SYT16: variants seen among roughly 807,000 people sequenced by gnomAD.
SYT16 encodes the protein synaptotagmin 16.
A neutral mutation model predicts 61.4 loss-of-function variants in SYT16; 42 were observed. That is an observed-to-expected ratio of 0.68 (90% CI 0.53 to 0.89). The LOEUF is 0.89. Among genes scored for constraint, SYT16 ranks in the 40% least tolerant of loss-of-function variants. The pLI, the probability that SYT16 is intolerant of heterozygous loss-of-function variation, is 0.00. For synonymous variants in SYT16, 314 were observed against 302.3 expected (o/e 1.04, Z -0.40); for missense variants, 804 against 807.3 (o/e 1.00, Z 0.05).
chr14:61,940,289 GT>G (rs1357243667), intron 1 of SYT16, among the ~76,000 whole-genome samples: 1 of 151,374 alleles, frequency 6.6e-6, no homozygotes, highest in Non-Finnish European at 1.5e-5. Context: ...ATGCTTAAAG[GT>G]CCTCATGTTA....
At chr14:62,013,415 G>A (rs1467312891) in intron 3 of SYT16, among the ~76,000 whole-genome samples, 2 of 152,154 alleles carry the variant, frequency 1.3e-5, no homozygotes, top group Non-Finnish European at 2.9e-5. Flanking sequence ...TGGGCATTAT[G>A]GTTTCTGAGA....
intron 1 of SYT16, among the ~76,000 whole-genome samples, chr14:61,829,520 A>G (rs756809188): frequency 2.6e-5 from 4 of 152,054 alleles, no homozygotes; most frequent in African/African-American, 4.8e-5. Flanking sequence ...CTCTGATCCT[A>G]CTGAGATTCT....
chr14:62,071,164 C>T (rs535818741), intron 4 of SYT16, among the ~76,000 whole-genome samples: 1 of 152,332 alleles, frequency 6.6e-6, no homozygotes, highest in South Asian at 2.1e-4. Context: ...GTCATTTGCC[C>T]ACACCCCCTC....
At chr14:61,880,942 A>G (rs1223173382) in intron 1 of SYT16, among the ~76,000 whole-genome samples, 1 of 152,116 alleles carries the variant, frequency 6.6e-6, no homozygotes, top group African/African-American at 2.4e-5. Flanking sequence ...CATGTAGCAT[A>G]CATACAGGAA....
chr14:61,831,782 A>G (rs1027132660), intron 1 of SYT16: 1 of 218,182 alleles, frequency 4.6e-6, no homozygotes, highest in African/African-American at 2.3e-5. Context: ...ACTGTTTGGC[A>G]TAACAGGTTT....
chr14:62,035,515 A>G (rs2054472555), intron 3 of SYT16, among the ~76,000 whole-genome samples: 1 of 152,194 alleles, frequency 6.6e-6, no homozygotes, highest in Non-Finnish European at 1.5e-5. Context: ...CATCAAAGAG[A>G]CATATATCAA....
chr14:62,011,607 G>A (rs967387650), intron 3 of SYT16, among the ~76,000 whole-genome samples: 3 of 152,022 alleles, frequency 2.0e-5, no homozygotes, highest in Non-Finnish European at 4.4e-5. Context: ...GTGGAGGAAA[G>A]GTGATTTACT....
At chr14:61,927,829 A>G (rs1025285544) in intron 1 of SYT16, among the ~76,000 whole-genome samples, 7 of 152,190 alleles carry the variant, frequency 4.6e-5, no homozygotes, top group Admixed American at 3.9e-4. Flanking sequence ...GAGTTAGAAA[A>G]AAGTTAATAA....
intron 1 of SYT16, among the ~76,000 whole-genome samples, chr14:61,833,874 G>A (rs2046031166): frequency 1.3e-5 from 2 of 151,530 alleles, no homozygotes; most frequent in Admixed American, 1.3e-4. Context: ...GGGAGTTGGA[G>A]GTGGAGCTTC....
At chr14:62,089,638 C>T (rs1308740403) in intron 7 of SYT16, among the ~76,000 whole-genome samples, 1 of 152,130 alleles carries the variant, frequency 6.6e-6, no homozygotes, top group African/African-American at 2.4e-5. Context: ...TATCTTAGTG[C>T]AAATCAAGTA....
intron 1 of SYT16, among the ~76,000 whole-genome samples, chr14:61,846,007 C>G (rs2046437361): frequency 6.6e-6 from 1 of 152,068 alleles, no homozygotes; most frequent in Admixed American, 6.5e-5. Context: ...TAGTTTTATT[C>G]CATTGTGGTA....
chr14:62,066,290 G>A lies in SYT16; in HGVS notation c.524-3313G>A, dbSNP rs113576765. Among the ~76,000 whole-genome samples, 743 of 152,300 alleles carry A rather than the reference G, an allele frequency of 4.9e-3. 11 individuals carry two copies. Among genetic ancestry groups the A allele is most frequent in the African/African-American group, 0.017 (708 of 41,558 alleles). On this transcript the variant is annotated intron_variant, in intron 3 of 7. Coordinates refer to ENST00000683842, the MANE Select transcript of SYT16 (RefSeq NM_001367656.1). ...TCCAGCACTATGATTAGAAATGTGG[G>A]TGCTAGAGACTGGCTGCTTTAAATC...
chr14:61,853,791 G>A (rs913914708), intron 1 of SYT16, among the ~76,000 whole-genome samples: 1 of 152,192 alleles, frequency 6.6e-6, no homozygotes, highest in Non-Finnish European at 1.5e-5. Flanking sequence ...TAAGGAAGGA[G>A]CTTCTCGGGG....
chr14:62,060,529 G>C (rs1211846924), intron 3 of SYT16, among the ~76,000 whole-genome samples: 1 of 150,492 alleles, frequency 6.6e-6, no homozygotes, highest in Non-Finnish European at 1.5e-5. Flanking sequence ...TTTTTTATCA[G>C]AAATTGACAA....
intron 3 of SYT16, among the ~76,000 whole-genome samples, chr14:62,062,765 T>C (rs1032443193): frequency 6.6e-6 from 1 of 152,070 alleles, no homozygotes; most frequent in Non-Finnish European, 1.5e-5. Flanking sequence ...ATCTCGTATC[T>C]AAGGGATTTC....
intron 1 of SYT16, among the ~76,000 whole-genome samples, chr14:61,842,620 T>C (rs2046329645): frequency 6.6e-6 from 1 of 152,158 alleles, no homozygotes; most frequent in Non-Finnish European, 1.5e-5. Flanking sequence ...TTCATGTCCT[T>C]TGTAGGGACA....
chr14:61,873,037 GT>G (rs545005280), intron 1 of SYT16, among the ~76,000 whole-genome samples: 541 of 152,078 alleles, frequency 3.6e-3, no homozygotes, highest in Non-Finnish European at 6.0e-3. Context: ...TTATCTGTTT[GT>G]TTTTTTCATG....
intron 1 of SYT16, among the ~76,000 whole-genome samples, chr14:61,875,662 G>C (rs1197912282): frequency 6.6e-6 from 1 of 152,172 alleles, no homozygotes; most frequent in African/African-American, 2.4e-5. Context: ...AAGTCAGCCT[G>C]TAGAGCTGGG....
intron 6 of SYT16, among the ~76,000 whole-genome samples, chr14:62,083,154 T>TA (rs1555383659): frequency 3.9e-5 from 6 of 151,958 alleles, no homozygotes; most frequent in Non-Finnish European, 7.4e-5. Context: ...TCAGGTTAGG[T>TA]GGGGGGCGCT....
Sources: gnomAD v4.1 joint callset for allele counts (sites outside exome capture counted in the v4.1 genomes callset) on GRCh38, gnomAD v4.1.1 for gene constraint, MANE v1.5 for transcripts, NCBI Gene and HGNC (gene_info 2026-07-23, HGNC 2026-07-21) for gene names.